Variants in AGBL1 observed in about 807,000 individuals in gnomAD.
The protein encoded by AGBL1 is cytosolic carboxypeptidase 4.
AGBL1 carries 130 observed loss-of-function variants against 118.9 expected under a neutral mutation model. The observed-to-expected ratio is 1.09, with a 90% confidence interval of 0.95 to 1.26. The LOEUF (loss-of-function observed/expected upper bound fraction) is 1.26. AGBL1 is among the 50% of genes most tolerant of loss of function. The pLI is 0.00. For synonymous variants in AGBL1, 555 were observed against 478.9 expected, an observed-to-expected ratio of 1.16 and a Z score of -2.08; for missense variants, 1,584 against 1,298.1, an observed-to-expected ratio of 1.22 and a Z score of -3.38.
intron 20 of AGBL1, among the ~76,000 whole-genome samples, 170 bp downstream of exon 20, chr15:86,546,303 C>A (rs1197581656): frequency 7.3e-5 from 11 of 150,084 alleles, no homozygotes; most frequent in Non-Finnish European, 1.5e-5. Flanking sequence ...GCATGTGTAA[C>A]CTCTCCTAAT....
intron 1 of AGBL1, among the ~76,000 whole-genome samples, chr15:86,106,741 A>C (rs935813047): frequency 3.3e-5 from 5 of 152,252 alleles, no homozygotes; most frequent in Admixed American, 2.6e-4. Context: ...ACAATACCAG[A>C]TAGCACAGTA....
chr15:87,028,036 T>TTAAAA (rs57041280), intron 24 of AGBL1, among the ~76,000 whole-genome samples: 62,113 of 150,338 alleles, frequency 0.41, 13,806 homozygotes, highest in African/African-American at 0.57. Context: ...TACACTGAAC[T>TTAAAA]TAAAAGTGGA....
chr15:86,176,867 TG>T (rs2077489374), intron 5 of AGBL1, among the ~76,000 whole-genome samples: 3 of 152,130 alleles, frequency 2.0e-5, no homozygotes, highest in African/African-American at 7.2e-5. Flanking sequence ...CAGGAGTCTG[TG>T]GGAATGTGGA....
At position 86,911,480 on chromosome 15, in the gene AGBL1, A is replaced by G. The variant is rs2080350347; in HGVS notation, c.*4186A>G. 6.6e-6 allele frequency: 1 copy of G among 152,124 alleles called. No individual in the cohort carries two copies. Among genetic ancestry groups the G allele is most frequent in the Non-Finnish European group, 1.5e-5 (1 of 68,062 alleles). 9.4% of individuals were successfully genotyped at this position (152,124 alleles called of 1,614,324 possible). A position where few individuals can be genotyped will look rare whatever the true frequency, so the allele number is the denominator to read the frequency against. ...CAGAAGGAAGTCTAAATGTCTCAAC[A>G]GATCCCTTTATAGCCTGGCCCCAAT... On this transcript the variant is annotated 3_prime_UTR_variant, in exon 23 of 23. Coordinates refer to ENST00000614907, the MANE Select transcript of AGBL1 (RefSeq NM_001386094.1).
In AGBL1 at chr15:86,516,193, G is replaced by A. The variant is rs74025174; in HGVS notation, c.2556-6617G>A. Among the ~76,000 whole-genome samples the A allele has an allele frequency of 1.4e-3, 207 of 152,328 alleles. 1 individual carries two copies. The highest frequency in any genetic ancestry group is 4.7e-3 in the African/African-American group (195 of 41,564). On this transcript the variant is annotated intron_variant, in intron 18 of 22. Transcript: ENST00000614907. ...CATTATATATGCATTTGTCTCAGGTGAACGGAGGGTTGGCTTTGAGTTCCG... is the reference window on the plus strand; with the variant it reads ...CATTATATATGCATTTGTCTCAGGTAAACGGAGGGTTGGCTTTGAGTTCCG...
intron 1 of AGBL1, among the ~76,000 whole-genome samples, chr15:86,099,053 A>T (rs1266161835): frequency 6.6e-6 from 1 of 152,082 alleles, no homozygotes; most frequent in Non-Finnish European, 1.5e-5. Flanking sequence ...TACGCAACAT[A>T]TCAAAATCTA....
At chr15:86,351,924 C>G (rs2080633394) in intron 17 of AGBL1, among the ~76,000 whole-genome samples, 1 of 152,150 alleles carries the variant, frequency 6.6e-6, no homozygotes, top group African/African-American at 2.4e-5. Flanking sequence ...GAGCCTTTAA[C>G]TTACATTAAA....
chr15:86,805,782 A>G (rs991901975), intron 22 of AGBL1, among the ~76,000 whole-genome samples: 1 of 152,152 alleles, frequency 6.6e-6, no homozygotes, highest in African/African-American at 2.4e-5. Context: ...CAGTCTTTCT[A>G]CAACCAACTA....
chr15:86,317,263 CAG>C (rs2080027296), intron 17 of AGBL1: 1 of 152,102 alleles, frequency 6.6e-6, no homozygotes, highest in Non-Finnish European at 1.5e-5. Context: ...ATGTCACAAA[CAG>C]AGGGGGATGA....
chr15:86,403,860 A>G (rs2081483868), intron 18 of AGBL1, among the ~76,000 whole-genome samples: 1 of 152,194 alleles, frequency 6.6e-6, no homozygotes, highest in South Asian at 2.1e-4. Context: ...ATTCTTGTAT[A>G]TTATTTAGTC....
At chr15:86,904,433 G>A (rs550321015) in intron 22 of AGBL1, among the ~76,000 whole-genome samples, 1 of 150,724 alleles carries the variant, frequency 6.6e-6, no homozygotes, top group African/African-American at 2.4e-5. Flanking sequence ...AGAAGTGAAA[G>A]TCCTTGAATA....
At chr15:86,527,607 C>T (rs1221975826) in intron 19 of AGBL1, among the ~76,000 whole-genome samples, 1 of 152,168 alleles carries the variant, frequency 6.6e-6, no homozygotes, top group Non-Finnish European at 1.5e-5. Context: ...GGAAGATTTC[C>T]ACTGCGACGA....
intron 23 of AGBL1, among the ~76,000 whole-genome samples, chr15:86,955,471 A>G (rs185900476): frequency 6.6e-6 from 1 of 152,168 alleles, no homozygotes; most frequent in Admixed American, 6.5e-5. Context: ...GAGTAAATTT[A>G]AAAAAAGAAC....
intron 17 of AGBL1, among the ~76,000 whole-genome samples, chr15:86,298,350 ATATATT>A: frequency 8.2e-6 from 1 of 122,018 alleles, no homozygotes; most frequent in African/African-American, 3.4e-5. Context: ...ATATATATGA[ATATATT>A]CTTATATATA....
Position 86,530,180 on chromosome 15 carries a change from C to A in AGBL1, c.2685+7241C>A, listed in dbSNP as rs2083329202. 2.8e-5 allele frequency among the ~76,000 whole-genome samples: 4 copies of A among 141,812 alleles called. No individual in the cohort carries two copies. In the South Asian group the frequency reaches 8.5e-4, roughly 30 times the overall value. The allele number at this position is 141,812 out of a possible 152,430, so 93.0% of individuals were successfully genotyped here. On this transcript the variant is annotated intron_variant, in intron 19 of 22. Transcript: ENST00000614907. ...CAGACTGGCAAGTTGGATAAAGAGT[C>A]AAGACCCATCAGTGTGGTGTATTCA...
At chr15:86,792,352 T>C (rs11073672) in intron 22 of AGBL1, among the ~76,000 whole-genome samples, 146,862 of 152,232 alleles carry the variant, frequency 0.96, 70,836 homozygotes, top group East Asian at 1. Flanking sequence ...AGGAGTACTC[T>C]AGTAATTCTG....
chr15:86,257,026 A>G lies in AGBL1; in HGVS notation c.901+8A>G. The G allele has an allele frequency of 2.5e-6, 4 of 1,612,542 alleles. No individual in the cohort carries two copies. Among genetic ancestry groups the G allele is most frequent in the Non-Finnish European group, 2.5e-6 (3 of 1,179,164 alleles). ...CACATGATCTACCTGAAGGTAAAAT[A>G]AGTTGGTAACTATGACCTTTAAGAT... On this transcript the variant is annotated splice_region_variant and intron_variant, in intron 8 of 22. Coordinates refer to ENST00000614907, the MANE Select transcript of AGBL1 (RefSeq NM_001386094.1).
intron 22 of AGBL1, among the ~76,000 whole-genome samples, chr15:86,767,211 C>A (rs1186410331): frequency 6.6e-6 from 1 of 151,870 alleles, no homozygotes; most frequent in Non-Finnish European, 1.5e-5. Flanking sequence ...CCCTGAGAAT[C>A]TATGGAACTA....
At chr15:86,491,186 C>T (rs1312190847) in intron 18 of AGBL1, among the ~76,000 whole-genome samples, 2 of 151,900 alleles carry the variant, frequency 1.3e-5, no homozygotes, top group Non-Finnish European at 1.5e-5. Flanking sequence ...TCTGAGGGTC[C>T]AGGGAAATTA....
Sources: allele counts gnomAD v4.1 joint callset (sites outside exome capture counted in the v4.1 genomes callset), GRCh38; gene constraint gnomAD v4.1.1; transcripts MANE v1.5; gene names NCBI Gene and HGNC (gene_info 2026-07-23, HGNC 2026-07-21).